The following SGCZ variants were observed in gnomAD, a reference collection of about 807,000 sequenced individuals.
SGCZ encodes the protein sarcoglycan zeta.
In SGCZ, 40 loss-of-function variants were observed where a neutral mutation model predicts 41.3. That is an observed-to-expected ratio of 0.97 (90% confidence interval 0.75 to 1.26). The LOEUF (loss-of-function observed/expected upper bound fraction) is 1.26, where lower values mean the gene tolerates loss of function less well. Among genes scored for constraint, SGCZ ranks in the 50% most tolerant of loss-of-function variants. SGCZ has a pLI of 0.00. For missense variants in SGCZ, 552 were observed against 369.8 expected (o/e 1.49, Z -4.04); for synonymous variants, 206 against 137.5 (o/e 1.50, Z -3.49).
intron 4 of SGCZ, among the ~76,000 whole-genome samples, chr8:14,219,903 T>C (rs1302610981): frequency 3.3e-5 from 5 of 152,332 alleles, no homozygotes; most frequent in East Asian, 1.9e-4. Context: ...GAAAATGCTT[T>C]TCAAGAGTTC....
chr8:14,287,726 T>A (rs1015519215), intron 3 of SGCZ, among the ~76,000 whole-genome samples: 4 of 152,110 alleles, frequency 2.6e-5, no homozygotes, highest in Non-Finnish European at 4.4e-5. Flanking sequence ...TATCCCCGAT[T>A]GGATTCAGCT....
intron 5 of SGCZ, among the ~76,000 whole-genome samples, chr8:14,129,040 C>A (rs747415707): frequency 6.6e-6 from 1 of 151,904 alleles, no homozygotes. Context: ...ATATGCAACA[C>A]AGTCATGTAA....
At chr8:14,331,670 T>G (rs1352283872) in intron 2 of SGCZ, among the ~76,000 whole-genome samples, 1 of 152,092 alleles carries the variant, frequency 6.6e-6, no homozygotes, top group Non-Finnish European at 1.5e-5. Flanking sequence ...TGAATATGAT[T>G]TATCACCTTT....
At chr8:14,522,533 T>C (rs1248656885) in intron 2 of SGCZ, among the ~76,000 whole-genome samples, 1 of 151,952 alleles carries the variant, frequency 6.6e-6, no homozygotes, top group Admixed American at 6.6e-5. Flanking sequence ...TATTTCCTTT[T>C]TTATCCTTTT....
At position 15,207,982 on chromosome 8, in the gene SGCZ, G is replaced by A. The variant is rs187036153; in HGVS notation, c.39+29603C>T. On this transcript the variant is annotated intron_variant, in intron 1 of 7. Coordinates refer to ENST00000382080, the MANE Select transcript of SGCZ (RefSeq NM_139167.4). ...GTCTGTCATTTCCTTTGTTTGCTTA[G>A]CCTGCTTTCAGATTTCTCCAAAATC... Among the ~76,000 whole-genome samples the A allele has an allele frequency of 7.2e-5, 11 of 152,244 alleles. No homozygotes were observed. In the East Asian group the frequency reaches 2.1e-3, roughly 29 times the overall value.
chr8:15,198,105 A>G (rs1800788003), intron 1 of SGCZ, among the ~76,000 whole-genome samples: 1 of 149,400 alleles, frequency 6.7e-6, no homozygotes, highest in African/African-American at 2.4e-5. Context: ...TTTATAATTA[A>G]TGATATAATT....
At chr8:14,101,373 C>A (rs77702289) in intron 7 of SGCZ, among the ~76,000 whole-genome samples, 27,231 of 91,322 alleles carry the variant, frequency 0.3, 3,657 homozygotes, top group East Asian at 0.75. Context: ...GGGAAAAGAC[C>A]ATGGAAAATT....
chr8:14,586,130 T>A (rs1221841860), intron 1 of SGCZ, among the ~76,000 whole-genome samples: 1 of 152,202 alleles, frequency 6.6e-6, no homozygotes, highest in African/African-American at 2.4e-5. Context: ...TTCATAATCA[T>A]CGTTGTCTTA....
At chr8:14,738,797 G>A (rs888268401) in intron 1 of SGCZ, among the ~76,000 whole-genome samples, 2 of 152,050 alleles carry the variant, frequency 1.3e-5, no homozygotes, top group African/African-American at 4.8e-5. Context: ...CGTTGATATT[G>A]TTCCTGTGAG....
chr8:14,751,662 G>T (rs567914642), intron 1 of SGCZ, among the ~76,000 whole-genome samples: 1 of 152,054 alleles, frequency 6.6e-6, no homozygotes, highest in Non-Finnish European at 1.5e-5. Context: ...AACCTGAGAG[G>T]ATTTGCCTCC....
intron 1 of SGCZ, among the ~76,000 whole-genome samples, chr8:14,996,875 C>A (rs1802237918): frequency 6.6e-6 from 1 of 152,226 alleles, no homozygotes; most frequent in South Asian, 2.1e-4. Flanking sequence ...ACTGAAACTT[C>A]TGCCGTGGCT....
chr8:15,077,406 A>G (rs928093635), intron 1 of SGCZ, among the ~76,000 whole-genome samples: 1 of 152,246 alleles, frequency 6.6e-6, no homozygotes, highest in African/African-American at 2.4e-5. Context: ...TAAACTAAGA[A>G]AAGTAAGAAC....
At chr8:14,956,823 T>C (rs1029335433) in intron 1 of SGCZ, among the ~76,000 whole-genome samples, 1 of 152,218 alleles carries the variant, frequency 6.6e-6, no homozygotes, top group Non-Finnish European at 1.5e-5. Context: ...AGGAAAATAA[T>C]AATACATTTC....
At position 14,793,203 on chromosome 8, in the gene SGCZ, C is replaced by A. The variant is rs1024001120; in HGVS notation, c.40-238277G>T. Among the ~76,000 whole-genome samples the A allele has an allele frequency of 3.9e-5, 6 of 152,316 alleles. No homozygotes were observed. The East Asian group carries it at 7.7e-4, about 20-fold the overall frequency. On this transcript the variant is annotated intron_variant, in intron 1 of 7. Transcript: ENST00000382080. ...TCCAAAATGTAGCTGAAAATACCCA[C>A]TTTGCTTCATTTTCACTGTCTACCG... is the stretch of plus-strand genomic sequence containing the variant.
chr8:14,633,467 G>T (rs914561493), intron 1 of SGCZ, among the ~76,000 whole-genome samples: 1 of 151,810 alleles, frequency 6.6e-6, no homozygotes, highest in African/African-American at 2.4e-5. Context: ...AGTTATTTCA[G>T]CAAAATAAAT....
At chr8:14,689,681 T>A (rs896276644) in intron 1 of SGCZ, among the ~76,000 whole-genome samples, 1 of 152,190 alleles carries the variant, frequency 6.6e-6, no homozygotes, top group African/African-American at 2.4e-5. Flanking sequence ...AAATTGTTAA[T>A]CAGGGACTAT....
intron 2 of SGCZ, among the ~76,000 whole-genome samples, chr8:14,340,805 A>G (rs547505103): frequency 2.8e-4 from 42 of 152,270 alleles, no homozygotes; most frequent in African/African-American, 7.2e-4. Flanking sequence ...AAAATTAACC[A>G]TTTAAATAAT....
At chr8:14,340,866 C>G (rs1802679780) in intron 2 of SGCZ, among the ~76,000 whole-genome samples, 2 of 151,808 alleles carry the variant, frequency 1.3e-5, no homozygotes, top group South Asian at 2.1e-4. Flanking sequence ...TGCTGAGTAA[C>G]CATCATCACT....
intron 3 of SGCZ, among the ~76,000 whole-genome samples, chr8:14,243,037 C>T (rs1017106665): frequency 1.3e-5 from 2 of 152,138 alleles, no homozygotes; most frequent in African/African-American, 4.8e-5. Context: ...GTAGCATGAC[C>T]TTGTTTGTCT....
Sources: allele counts gnomAD v4.1 joint callset (sites outside exome capture counted in the v4.1 genomes callset), GRCh38; gene constraint gnomAD v4.1.1; transcripts MANE v1.5; gene names NCBI Gene and HGNC (gene_info 2026-07-23, HGNC 2026-07-21).